Variants in GRM2 observed in about 807,000 individuals in gnomAD.
GRM2 encodes the protein glutamate metabotropic receptor 2, also known as metabotropic glutamate receptor 2.
In GRM2, 35 loss-of-function variants were observed where a neutral mutation model predicts 60.4. The observed-to-expected ratio is 0.58, with a 90% CI of 0.44 to 0.77. The LOEUF is 0.77. Among genes scored for constraint, GRM2 ranks in the 30% least tolerant of loss-of-function variants. GRM2 has a pLI of 0.00. For synonymous variants in GRM2, 437 were observed against 484.1 expected (o/e 0.90, Z 1.28); for missense variants, 925 against 1,199.5 (o/e 0.77, Z 3.38).
At position 51,712,736 on chromosome 3, in the gene GRM2, G is replaced by T. The variant is rs759445462; in HGVS notation, c.714G>T (p.Ser238=). The T allele has an allele frequency of 6.2e-7, 1 of 1,613,432 alleles. No individual in the cohort carries two copies. The highest frequency in any genetic ancestry group is 1.3e-5 in the African/African-American group (1 of 74,922). ...CCCGCAACATCTGTGTGGCCACCTCGGAGAAAGTGGGCCGTGCCATGAGCC... is the reference window on the plus strand; with the variant it reads ...CCCGCAACATCTGTGTGGCCACCTCTGAGAAAGTGGGCCGTGCCATGAGCC... The part of the protein sequence containing the change: ...ARARNICVAT[S]EKVGRAMSRA... Residue 238 remains serine (S), a synonymous_variant, in exon 3 of 6, where the codon TCG becomes TCT. Transcript: ENST00000395052. The surrounding 1 kb of genome is among the most constrained non-coding windows in gnomAD (Gnocchi z 5.3).
Position 51,717,675 on chromosome 3 carries a change from C to G in GRM2, c.2403C>G (p.Ser801Arg). Residue 801 changes from serine (S) to arginine (R), a missense_variant, in exon 5 of 6, where the codon AGC (serine) becomes AGG (arginine). Coordinates refer to ENST00000395052, the MANE Select transcript of GRM2 (RefSeq NM_000839.5). The surrounding 1 kb of genome is among the most constrained non-coding windows in gnomAD (Gnocchi z 6.0). ...CCATGTGCGTGTCAGTCAGCCTCAGCGGCTCCGTGGTGCTTGGCTGCCTCT... is the reference window on the plus strand; with the variant it reads ...CCATGTGCGTGTCAGTCAGCCTCAGGGGCTCCGTGGTGCTTGGCTGCCTCT... ...TTTMCVSVSLSGSVVLGCLFA... is the reference protein window; with the variant it reads ...TTTMCVSVSLRGSVVLGCLFA... 2 of 1,613,800 alleles carry G rather than the reference C, an allele frequency of 1.2e-6. No homozygotes were observed. Among genetic ancestry groups the G allele is most frequent in the Non-Finnish European group, 8.5e-7 (1 of 1,179,932 alleles).
Position 51,717,954 on chromosome 3 carries a change from C to T in GRM2, c.2546-85C>T, listed in dbSNP as rs1202488310. On this transcript the variant is annotated intron_variant, in intron 5 of 5. Transcript: ENST00000395052. This position sits in a 1 kb window ranked among gnomAD's most constrained non-coding sequence, Gnocchi z 6.0. ...AGAGGACAGGAGAGGGGAGGGGAGGCTTCCCTCACAGCCCTGCTTCCCCAC... is the reference window on the plus strand; with the variant it reads ...AGAGGACAGGAGAGGGGAGGGGAGGTTTCCCTCACAGCCCTGCTTCCCCAC... 2 of 1,453,932 alleles carry T rather than the reference C, an allele frequency of 1.4e-6. No individual in the cohort carries two copies. The highest frequency in any genetic ancestry group is 3.3e-5 in the Admixed American group (2 of 59,756). 90.1% of individuals were successfully genotyped at this position (1,453,932 alleles called of 1,614,324 possible).
In GRM2 at chr3:51,709,978, T is replaced by C. The variant is rs1703655827; in HGVS notation, c.450+545T>C. On this transcript the variant is annotated intron_variant, in intron 2 of 5. Transcript: ENST00000395052. ...ACAGCTTCTTCCTTATAAAATTGGA[T>C]TCACAACACTTTTTTTTTTTTTCTT... 2.0e-5 allele frequency among the ~76,000 whole-genome samples: 3 copies of C among 150,656 alleles called. No individual in the cohort carries two copies. The South Asian group carries it at 6.3e-4, about 32-fold the overall frequency.
Position 51,718,169 on chromosome 3 carries a change from G to T in GRM2, c.*57G>T. ...TCCTGGGAACCTAGTGCAGACCCAC[G>T]TCCAGGGCCAGGAGGAAGTTGGCTG... is the stretch of plus-strand genomic sequence containing the variant. On this transcript the variant is annotated 3_prime_UTR_variant, in exon 6 of 6. Coordinates refer to ENST00000395052, the MANE Select transcript of GRM2 (RefSeq NM_000839.5). This position sits in a 1 kb window ranked among gnomAD's most constrained non-coding sequence, Gnocchi z 4.2. 1 of 1,418,302 alleles carries T rather than the reference G, an allele frequency of 7.1e-7. No individual in the cohort carries two copies. Among genetic ancestry groups the T allele is most frequent in the Admixed American group, 1.7e-5 (1 of 59,804 alleles). 87.9% of individuals were successfully genotyped at this position (1,418,302 alleles called of 1,614,324 possible). A position where few individuals can be genotyped will look rare whatever the true frequency, so the allele number is the denominator to read the frequency against.
At position 51,713,322 on chromosome 3, in the gene GRM2, G is replaced by A; in HGVS notation, c.1288+12G>A. 6.4e-7 allele frequency: 1 copy of A among 1,564,576 alleles called. No individual in the cohort carries two copies. Among genetic ancestry groups the A allele is most frequent in the South Asian group, 1.1e-5 (1 of 87,264 alleles). On this transcript the variant is annotated intron_variant, in intron 3 of 5. Transcript: ENST00000395052. This position sits in a 1 kb window ranked among gnomAD's most constrained non-coding sequence, Gnocchi z 4.8. ...CGTCAAGTTTGATGGTAATGGTGTT[G>A]GCCAGTGTCCATTGGCCTGCTGGCT...
chr3:51,709,901 C>T (rs554128992), intron 2 of GRM2, among the ~76,000 whole-genome samples: 159 of 141,372 alleles, frequency 1.1e-3, no homozygotes, highest in African/African-American at 4.1e-3. Flanking sequence ...ATAGTCAGGT[C>T]TCCCACTTAC....
At position 51,713,093 on chromosome 3, in the gene GRM2, C is replaced by T. The variant is rs901523572; in HGVS notation, c.1071C>T (p.Phe357=). The T allele has an allele frequency of 1.9e-6, 3 of 1,613,126 alleles. No homozygotes were observed. Among genetic ancestry groups the T allele is most frequent in the Admixed American group, 1.7e-5 (1 of 60,026 alleles). The part of the protein sequence containing the change: ...EFWEQRFRCS[F]RQRDCAAHSL... ...GGGAGCAGAGGTTCCGCTGCAGCTT[C>T]CGGCAGCGAGACTGCGCAGCCCACT... is the stretch of plus-strand genomic sequence containing the variant. The change falls in exon 3 of 6, where the codon TTC becomes TTT. Residue 357 remains phenylalanine, a synonymous_variant. Transcript: ENST00000395052. The surrounding 1 kb of genome is among the most constrained non-coding windows in gnomAD (Gnocchi z 4.8).
chr3:51,709,474 C>T (rs771515287), intron 2 of GRM2, 41 bp downstream of exon 2: 1 of 1,383,206 alleles, frequency 7.2e-7, no homozygotes, highest in Non-Finnish European at 9.7e-7. Flanking sequence ...GGAGGGAGGC[C>T]GGAGGTGGTG....
At chr3:51,707,378 C>T (rs957162138) in intron 1 of GRM2, 2 of 153,272 alleles carry the variant, frequency 1.3e-5, no homozygotes, top group African/African-American at 4.8e-5. Context: ...TCGCACTCCC[C>T]CGTTCCTCCT....
At position 51,715,015 on chromosome 3, in the gene GRM2, G is replaced by A; in HGVS notation, c.1289-47G>A. ...AGGGTGAATGTTGAGGTCACATCAGGGTAACACACTAGTCCAACCTTCTCT... is the reference window on the plus strand; with the variant it reads ...AGGGTGAATGTTGAGGTCACATCAGAGTAACACACTAGTCCAACCTTCTCT... On this transcript the variant is annotated intron_variant, in intron 3 of 5. Coordinates refer to ENST00000395052, the MANE Select transcript of GRM2 (RefSeq NM_000839.5). The surrounding 1 kb of genome is among the most constrained non-coding windows in gnomAD (Gnocchi z 9.0). 8.2e-7 allele frequency: 1 copy of A among 1,212,808 alleles called. No homozygotes were observed. The highest frequency in any genetic ancestry group is 1.2e-6 in the Non-Finnish European group (1 of 850,900). The allele number at this position is 1,212,808 out of a possible 1,614,324, so 75.1% of individuals were successfully genotyped here.
rs1310975552 is a variant in GRM2, at chr3:51,713,962, A to G, written c.1288+652A>G. The G allele has an allele frequency of 2.2e-6, 1 of 455,084 alleles. No individual in the cohort carries two copies. The highest frequency in any genetic ancestry group is 7.0e-5 in the East Asian group (1 of 14,312). 28.2% of individuals were successfully genotyped at this position (455,084 alleles called of 1,614,324 possible). On this transcript the variant is annotated intron_variant, in intron 3 of 5. Coordinates refer to ENST00000395052, the MANE Select transcript of GRM2 (RefSeq NM_000839.5). The surrounding 1 kb of genome is among the most constrained non-coding windows in gnomAD (Gnocchi z 4.8). ...ATTCCTAATCTTGATTTTCCACTCAAGGTGACCTGAAAGTCTCCTGAAATC... is the reference window on the plus strand; with the variant it reads ...ATTCCTAATCTTGATTTTCCACTCAGGGTGACCTGAAAGTCTCCTGAAATC...
Position 51,718,199 on chromosome 3 carries a change from A to G in GRM2, c.*87A>G, listed in dbSNP as rs1263266360. On this transcript the variant is annotated 3_prime_UTR_variant, in exon 6 of 6. Transcript: ENST00000395052. The surrounding 1 kb of genome is among the most constrained non-coding windows in gnomAD (Gnocchi z 4.2). ...GGGCCAGGAGGAAGTTGGCTGGAGC[A>G]CTGCAATAATTTATTACCCACCCTA... 3.6e-6 allele frequency: 4 copies of G among 1,105,522 alleles called. No individual in the cohort carries two copies. Among genetic ancestry groups the G allele is most frequent in the African/African-American group, 1.5e-5 (1 of 65,236 alleles). The allele number at this position is 1,105,522 out of a possible 1,614,324, so 68.5% of individuals were successfully genotyped here. A position where few individuals can be genotyped will look rare whatever the true frequency, so the allele number is the denominator to read the frequency against.
Position 51,713,050 on chromosome 3 carries a change from C to T in GRM2, c.1028C>T (p.Pro343Leu). The change falls in exon 3 of 6, where the codon CCC (proline) becomes CTC (leucine). Residue 343 changes from proline to leucine, a missense_variant. Physicochemically the swap from Pro to Leu is moderately conservative, Grantham distance 98 (BLOSUM62 -3). Coordinates refer to ENST00000395052, the MANE Select transcript of GRM2 (RefSeq NM_000839.5). The surrounding 1 kb of genome is among the most constrained non-coding windows in gnomAD (Gnocchi z 4.8). ...SLDPWNNSRN[P>L]WFREFWEQRF... is the part of the protein sequence containing the mutation. ...GACCCTTGGAACAACAGCCGGAACCCCTGGTTCCGTGAATTCTGGGAGCAG... is the reference window on the plus strand; with the variant it reads ...GACCCTTGGAACAACAGCCGGAACCTCTGGTTCCGTGAATTCTGGGAGCAG... 6.2e-7 allele frequency: 1 copy of T among 1,613,174 alleles called. No homozygotes were observed. Among genetic ancestry groups the T allele is most frequent in the Middle Eastern group, 1.7e-4 (1 of 6,060 alleles).
At chr3:51,709,676 A>ACC (rs1703625357) in intron 2 of GRM2, among the ~76,000 whole-genome samples, 1 of 35,132 alleles carries the variant, frequency 2.8e-5, no homozygotes, top group Non-Finnish European at 5.9e-5. Flanking sequence ...CCTCACACAC[A>ACC]CACACACACC....
rs1703778384 is a variant in GRM2 at position 51,713,130 on chromosome 3, G to A, written c.1108G>A (p.Val370Met). The A allele has an allele frequency of 6.2e-7, 1 of 1,613,062 alleles. No individual in the cohort carries two copies. The highest frequency in any genetic ancestry group is 1.3e-5 in the African/African-American group (1 of 74,956). The change falls in exon 3 of 6, where the codon GTG becomes ATG. Residue 370 changes from valine to methionine, a missense_variant. Val to Met is a conservative substitution (Grantham distance 21, BLOSUM62 1). Coordinates refer to ENST00000395052, the MANE Select transcript of GRM2 (RefSeq NM_000839.5). The surrounding 1 kb of genome is among the most constrained non-coding windows in gnomAD (Gnocchi z 4.8). ...RDCAAHSLRA[V>M]PFEQESKIMF... ...CTGCGCAGCCCACTCTCTCCGGGCT[G>A]TGCCCTTTGAGCAGGAGTCCAAGAT...
In GRM2 at chr3:51,708,903, C is replaced by A; in HGVS notation, c.-81C>A. On this transcript the variant is annotated 5_prime_UTR_variant, in exon 2 of 6. Transcript: ENST00000395052. ...TCTGTCCTTTCCTGGTCCCTGTTTC[C>A]TCCTCTCTTTGCCTTCGCTGCTTCT... 9.3e-7 allele frequency: 1 copy of A among 1,069,986 alleles called. No homozygotes were observed. The highest frequency in any genetic ancestry group is 1.3e-6 in the Non-Finnish European group (1 of 759,574). The allele number at this position is 1,069,986 out of a possible 1,614,324, so 66.3% of individuals were successfully genotyped here.
In GRM2 at chr3:51,716,046, A is replaced by G. The variant is rs746082458; in HGVS notation, c.2273A>G (p.Glu758Gly). 7 of 1,614,246 alleles carry G rather than the reference A, an allele frequency of 4.3e-6. No homozygotes were observed. The highest frequency in any genetic ancestry group is 5.9e-6 in the Non-Finnish European group (7 of 1,180,038). ...CGCAAGTGCCCCGAAAACTTCAACG[A>G]GGCCAAGTTCATTGGCTTCACCATG... The part of the protein sequence containing the change: ...KTRKCPENFN[E>G]AKFIGFTMYT... The change falls in exon 4 of 6, where the codon GAG (glutamate) becomes GGG (glycine). Residue 758 changes from glutamate (E) to glycine (G), a missense_variant. Coordinates refer to ENST00000395052, the MANE Select transcript of GRM2 (RefSeq NM_000839.5). The surrounding 1 kb of genome is among the most constrained non-coding windows in gnomAD (Gnocchi z 4.0).
chr3:51,709,285 A>G lies in GRM2; in HGVS notation c.302A>G (p.Gln101Arg), dbSNP rs1448919180. ...TCCAAGGACACACATGCGCTGGAGC[A>G]GGCACTGGACTTTGTGCGTGCCTCA... ...SCSKDTHALEQALDFVRASLS... is the reference protein window; with the variant it reads ...SCSKDTHALERALDFVRASLS... Residue 101 changes from glutamine to arginine, a missense_variant, in exon 2 of 6, where the codon CAG becomes CGG. Coordinates refer to ENST00000395052, the MANE Select transcript of GRM2 (RefSeq NM_000839.5). 1.2e-6 allele frequency: 2 copies of G among 1,604,658 alleles called. No individual in the cohort carries two copies. Among genetic ancestry groups the G allele is most frequent in the Non-Finnish European group, 1.7e-6 (2 of 1,173,326 alleles).
Position 51,715,600 on chromosome 3 carries a change from G to A in GRM2, c.1827G>A (p.Leu609=), listed in dbSNP as rs750859191. ...KASGRELCYI[L]LGGVFLCYCM... ...CAGGTCGGGAGCTCTGCTACATCCT[G>A]CTGGGTGGTGTCTTCCTCTGCTACT... Residue 609 remains leucine, a synonymous_variant, in exon 4 of 6, where the codon CTG becomes CTA. Transcript: ENST00000395052. The surrounding 1 kb of genome is among the most constrained non-coding windows in gnomAD (Gnocchi z 9.0). 1.5e-5 allele frequency: 25 copies of A among 1,614,212 alleles called. No individual in the cohort carries two copies. Among genetic ancestry groups the A allele is most frequent in the Non-Finnish European group, 2.1e-5 (25 of 1,180,026 alleles).
Sources: gnomAD v4.1 joint callset for allele counts (sites outside exome capture counted in the v4.1 genomes callset) on GRCh38, gnomAD v4.1.1 for gene constraint, Gnocchi (gnomAD v3.1) non-coding constraint, MANE v1.5 for transcripts, NCBI Gene and HGNC (gene_info 2026-07-23, HGNC 2026-07-21) for gene names.